ANKFN1: variants seen among roughly 807,000 people sequenced by gnomAD.
ANKFN1 encodes the protein ankyrin repeat and fibronectin type III domain containing 1.
Under a neutral mutation model 108.7 loss-of-function variants are expected in ANKFN1, and 74 were observed. That is an observed-to-expected ratio of 0.68 (90% CI 0.56 to 0.83). The LOEUF (loss-of-function observed/expected upper bound fraction) is 0.83, where lower values mean the gene tolerates loss of function less well. Among genes scored for constraint, ANKFN1 ranks in the 40% least tolerant of loss-of-function variants. The pLI is 0.00. For missense variants in ANKFN1, 1,505 were observed against 1,382.3 expected (o/e 1.09, Z -1.41); for synonymous variants, 547 against 516.2 (o/e 1.06, Z -0.81).
chr17:56,502,118 G>T (rs990842577), intron 20 of ANKFN1, among the ~76,000 whole-genome samples: 1 of 152,136 alleles, frequency 6.6e-6, no homozygotes, highest in Non-Finnish European at 1.5e-5. Context: ...TGTATGCTAC[G>T]ATGTCCCACA....
chr17:56,430,161 T>A (rs964341481), intron 8 of ANKFN1, among the ~76,000 whole-genome samples: 15 of 152,232 alleles, frequency 9.9e-5, no homozygotes, highest in African/African-American at 3.6e-4. Context: ...AGAGATCATG[T>A]CATTTGCCTC....
intron 1 of ANKFN1, among the ~76,000 whole-genome samples, chr17:56,177,270 T>C (rs778432662): frequency 1.4e-4 from 22 of 152,084 alleles, no homozygotes; most frequent in Non-Finnish European, 2.5e-4. Context: ...CTTCACGGGG[T>C]CCATGTTTAA....
At chr17:56,226,905 G>A (rs1916317770) in intron 2 of ANKFN1, among the ~76,000 whole-genome samples, 1 of 152,012 alleles carries the variant, frequency 6.6e-6, no homozygotes, top group Non-Finnish European at 1.5e-5. Flanking sequence ...ATAGCCACTA[G>A]TAATATTTCT....
chr17:56,380,077 T>C (rs750001131), intron 8 of ANKFN1, among the ~76,000 whole-genome samples: 2 of 152,230 alleles, frequency 1.3e-5, no homozygotes, highest in Admixed American at 6.5e-5. Flanking sequence ...CTAAATTAAT[T>C]TGGGGAGAAT....
intron 1 of ANKFN1, among the ~76,000 whole-genome samples, chr17:56,168,234 A>G (rs1160081583): frequency 1.3e-5 from 2 of 150,806 alleles, no homozygotes; most frequent in East Asian, 1.9e-4. Context: ...GCCAGCCTGG[A>G]AGACAGAGTG....
intron 1 of ANKFN1, among the ~76,000 whole-genome samples, chr17:56,189,534 C>A (rs1598206401): frequency 2.0e-5 from 3 of 152,134 alleles, no homozygotes; most frequent in Admixed American, 6.5e-5. Flanking sequence ...TGCAGGGACC[C>A]TCACTTTATA....
chr17:56,301,879 T>C (rs1201139871), intron 3 of ANKFN1, among the ~76,000 whole-genome samples: 1 of 152,210 alleles, frequency 6.6e-6, no homozygotes, highest in African/African-American at 2.4e-5. Context: ...TCAGTGAGTC[T>C]ACAGGGCCAG....
At chr17:56,091,422 A>C (rs1304628789) in intron 4 of ANKFN1, among the ~76,000 whole-genome samples, 1 of 108,016 alleles carries the variant, frequency 9.3e-6, no homozygotes, top group Admixed American at 8.9e-5. Flanking sequence ...AACAAATCAC[A>C]CACACACACA....
chr17:56,127,609 C>T (rs7219663), intron 4 of ANKFN1, among the ~76,000 whole-genome samples: 23,709 of 152,108 alleles, frequency 0.16, 2,031 homozygotes, highest in East Asian at 0.28. Flanking sequence ...CCACCGCACC[C>T]GGCCAGCCTG....
At chr17:56,454,042 G>A (rs2049591894) in intron 11 of ANKFN1, among the ~76,000 whole-genome samples, 2 of 152,108 alleles carry the variant, frequency 1.3e-5, no homozygotes, top group African/African-American at 4.8e-5. Context: ...TCAATTGTGA[G>A]ACATTTTCTT....
chr17:56,268,641 G>A, intron 3 of ANKFN1, among the ~76,000 whole-genome samples: 1 of 151,884 alleles, frequency 6.6e-6, no homozygotes, highest in East Asian at 1.9e-4. Flanking sequence ...CAAAATCAAA[G>A]GTTGGTTTTT....
chr17:56,287,817 C>G (rs1355780391), intron 3 of ANKFN1, among the ~76,000 whole-genome samples: 1 of 152,160 alleles, frequency 6.6e-6, no homozygotes, highest in Non-Finnish European at 1.5e-5. Flanking sequence ...TATTAAATCT[C>G]CAGCTCAAAA....
intron 3 of ANKFN1, among the ~76,000 whole-genome samples, chr17:56,236,345 C>T (rs1917149590): frequency 6.6e-6 from 1 of 152,104 alleles, no homozygotes; most frequent in Non-Finnish European, 1.5e-5. Flanking sequence ...GAGTGAGCCA[C>T]CGCGCCTGGC....
At chr17:56,109,815 A>C (rs1905857063) in intron 4 of ANKFN1, among the ~76,000 whole-genome samples, 2 of 152,350 alleles carry the variant, frequency 1.3e-5, no homozygotes, top group South Asian at 4.1e-4. Context: ...ATTAAATGAA[A>C]TACTGCGTGT....
At position 56,235,073 on chromosome 17, in the gene ANKFN1, T is replaced by C. The variant is rs553476841; in HGVS notation, c.53+7116T>C. Among the ~76,000 whole-genome samples the C allele has an allele frequency of 3.9e-5, 6 of 152,306 alleles. No individual in the cohort carries two copies. In the South Asian group the frequency reaches 1.2e-3, roughly 32 times the overall value. ...ACTGGTATGAGATGGTATCTCACAG[T>C]GGTTTTCATTTGCATTTCTCTAATG... On this transcript the variant is annotated intron_variant, in intron 3 of 20. Transcript: ENST00000682825.
intron 4 of ANKFN1, among the ~76,000 whole-genome samples, chr17:56,336,293 G>C (rs1461829982): frequency 6.6e-6 from 1 of 152,134 alleles, no homozygotes; most frequent in Non-Finnish European, 1.5e-5. Flanking sequence ...AGAAGGAATG[G>C]TACCAGCTCC....
chr17:56,137,061 A>T (rs1343921546), intron 4 of ANKFN1, among the ~76,000 whole-genome samples: 3 of 152,234 alleles, frequency 2.0e-5, no homozygotes, highest in African/African-American at 7.2e-5. Flanking sequence ...GGAAATGCAC[A>T]GATGAGGCAG....
chr17:56,291,349 C>G (rs1189199528), intron 3 of ANKFN1, among the ~76,000 whole-genome samples: 1 of 152,084 alleles, frequency 6.6e-6, no homozygotes, highest in Non-Finnish European at 1.5e-5. Context: ...AGAAGACACT[C>G]TATGACTGGG....
rs2051739470 is a variant in ANKFN1 at position 56,510,985 on chromosome 17, C to T, written c.3157C>T (p.Arg1053Trp). ...GGCCCAGGAGCCCAAGGAGGCCAAG[C>T]GGGCCGGCCCTGCCCTTGATGATCC... Reference protein sequence around the residue: ...GLAQEPKEAKRAGPALDDPRG... With the variant: ...GLAQEPKEAKWAGPALDDPRG... Residue 1053 changes from arginine (R) to tryptophan (W), a missense_variant, in exon 21 of 21, where the codon CGG (arginine) becomes TGG (tryptophan). By Grantham distance (101) the Arg-to-Trp change is moderately radical. Coordinates refer to ENST00000682825, the MANE Select transcript of ANKFN1 (RefSeq NM_001370326.1). 2 of 1,535,940 alleles carry T rather than the reference C, an allele frequency of 1.3e-6. No individual in the cohort carries two copies. The highest frequency in any genetic ancestry group is 1.7e-6 in the Non-Finnish European group (2 of 1,146,828).
Sources: allele counts gnomAD v4.1 joint callset (sites outside exome capture counted in the v4.1 genomes callset), GRCh38; gene constraint gnomAD v4.1.1; transcripts MANE v1.5; gene names NCBI Gene and HGNC (gene_info 2026-07-23, HGNC 2026-07-21).